The following NEK4 variants were observed in gnomAD, a reference collection of about 807,000 sequenced individuals.
NEK4 encodes the protein NIMA related kinase 4, also known as serine/threonine-protein kinase Nek4.
NEK4 carries 86 observed loss-of-function variants against 98.4 expected under a neutral mutation model. That is an observed-to-expected ratio of 0.87 (90% confidence interval 0.73 to 1.05). The LOEUF (loss-of-function observed/expected upper bound fraction) is 1.05, where lower values mean the gene tolerates loss of function less well. Among genes scored for constraint, NEK4 ranks in the 50% least tolerant of loss-of-function variants. NEK4 has a pLI of 0.00. For synonymous variants in NEK4, 328 were observed against 342.2 expected, an observed-to-expected ratio of 0.96 and a Z score of 0.46; for missense variants, 898 against 950.3, an observed-to-expected ratio of 0.94 and a Z score of 0.72.
In NEK4 at chr3:52,752,900, C is replaced by CAAAAAA. The variant is rs71087016; in HGVS notation, c.964-570_964-565dup. 5.1e-3 allele frequency among the ~76,000 whole-genome samples: 251 copies of CAAAAAA among 49,350 alleles called. 4 individuals carry two copies. Among genetic ancestry groups the CAAAAAA allele is most frequent in the South Asian group, 7.9e-3 (15 of 1,896 alleles). The allele number at this position is 49,350 out of a possible 152,430, so 32.4% of individuals were successfully genotyped here. ...GGGCAACAGGAGTGAAACCCTGCCTCAAAAAAAAAAAAAAAAAATATATAT... is the reference window on the plus strand; with the variant it reads ...GGGCAACAGGAGTGAAACCCTGCCTCAAAAAAAAAAAAAAAAAAAAAAAATATATAT... On this transcript the variant is annotated intron_variant, in intron 6 of 15. Transcript: ENST00000233027.
intron 15 of NEK4, chr3:52,737,380 T>A (rs1359383766): frequency 2.1e-6 from 1 of 483,856 alleles, no homozygotes; most frequent in Admixed American, 3.4e-5. Context: ...GGGGAGTGAC[T>A]GCTAACAGGT....
intron 15 of NEK4, among the ~76,000 whole-genome samples, chr3:52,715,261 G>A (rs1464012773): frequency 1.3e-5 from 2 of 152,200 alleles, no homozygotes; most frequent in South Asian, 2.1e-4. Flanking sequence ...ACAATGGGAC[G>A]GCCAGCTGCA....
chr3:52,726,242 C>T (rs2154102500), intron 15 of NEK4, among the ~76,000 whole-genome samples: 1 of 152,204 alleles, frequency 6.6e-6, no homozygotes, highest in East Asian at 1.9e-4. Flanking sequence ...CTAATAGTTG[C>T]AGACTTCAAT....
chr3:52,763,475 T>C lies in NEK4; in HGVS notation c.816A>G (p.Thr272=), dbSNP rs1230095370. Residue 272 remains threonine, a synonymous_variant, in exon 5 of 16, where the codon ACA becomes ACG. Transcript: ENST00000233027. The part of the protein sequence containing the change: ...KRQISFFLEA[T]KIKTSKNNIK... The stretch of plus-strand genomic sequence containing the variant: ...TTGCAAGGGAAGTATCTTACATCTT[T>C]GTGGCCTCCAAAAAGAAGGAGATTT... 1.9e-6 allele frequency: 3 copies of C among 1,612,970 alleles called. No homozygotes were observed. The highest frequency in any genetic ancestry group is 2.5e-6 in the Non-Finnish European group (3 of 1,179,642).
intron 7 of NEK4, among the ~76,000 whole-genome samples, chr3:52,750,180 C>T (rs1434344378): frequency 2.0e-5 from 3 of 152,202 alleles, no homozygotes; most frequent in African/African-American, 7.2e-5. Flanking sequence ...CACATATAAC[C>T]TTCCTCTTAG....
At chr3:52,759,691 C>CA (rs1023644790) in intron 6 of NEK4, among the ~76,000 whole-genome samples, 13 of 150,474 alleles carry the variant, frequency 8.6e-5, no homozygotes, top group African/African-American at 2.7e-4. Context: ...AAAGTCAAAC[C>CA]AAAAAAAAAG....
chr3:52,725,519 A>C (rs535906518), intron 15 of NEK4, among the ~76,000 whole-genome samples: 163 of 130,482 alleles, frequency 1.2e-3, no homozygotes, highest in African/African-American at 3.9e-3. Flanking sequence ...TGTCTCAAAA[A>C]ACAAAACAAA....
At chr3:52,768,136 T>C (rs1427448262) in intron 2 of NEK4, among the ~76,000 whole-genome samples, 1 of 152,218 alleles carries the variant, frequency 6.6e-6, no homozygotes, top group Admixed American at 6.5e-5. Flanking sequence ...AGACATGAAA[T>C]CTATGTCTAT....
At chr3:52,746,648 C>T in intron 9 of NEK4, 86 bp downstream of exon 9, 1 of 1,197,508 alleles carries the variant, frequency 8.4e-7, no homozygotes, top group South Asian at 1.5e-5. Flanking sequence ...GCATTTCTTA[C>T]ATGCCTTTTT....
chr3:52,710,305 CA>C lies in NEK4; in HGVS notation c.*1471del, dbSNP rs2097349137. ...GAGTGAACCTGGGAGGCGGAGCTTG[CA>C]GTGATCTGAGATTGGGCCACTGCAC... On this transcript the variant is annotated 3_prime_UTR_variant, in exon 16 of 16. Coordinates refer to ENST00000233027, the MANE Select transcript of NEK4 (RefSeq NM_003157.6). 6.6e-6 allele frequency: 1 copy of C among 151,176 alleles called. No homozygotes were observed. Among genetic ancestry groups the C allele is most frequent in the African/African-American group, 2.4e-5 (1 of 41,020 alleles). 9.4% of individuals were successfully genotyped at this position (151,176 alleles called of 1,614,324 possible). A position where few individuals can be genotyped will look rare whatever the true frequency, so the allele number is the denominator to read the frequency against.
intron 4 of NEK4, 151 bp from the exon 5 acceptor site, chr3:52,763,775 C>T (rs1302263725): frequency 7.3e-6 from 4 of 550,256 alleles, no homozygotes; most frequent in East Asian, 6.1e-5. Context: ...GTACTGGTAT[C>T]CCAGTTGTAA....
At chr3:52,748,022 C>T (rs566922343) in intron 8 of NEK4, among the ~76,000 whole-genome samples, 77 of 152,054 alleles carry the variant, frequency 5.1e-4, no homozygotes, top group South Asian at 8.3e-4. Flanking sequence ...TGCAATGGCG[C>T]GATCTCGGCT....
chr3:52,740,483 T>C (rs1382274934), intron 13 of NEK4, among the ~76,000 whole-genome samples: 1 of 152,062 alleles, frequency 6.6e-6, no homozygotes, highest in South Asian at 2.1e-4. Flanking sequence ...CAATAGAATC[T>C]ATGAAATGTG....
chr3:52,768,248 T>C (rs764722194), intron 2 of NEK4, 90 bp downstream of exon 2: 23 of 1,178,024 alleles, frequency 2.0e-5, no homozygotes, highest in Non-Finnish European at 1.9e-5. Flanking sequence ...TTTCTATATG[T>C]AAGTATCTGA....
Position 52,744,198 on chromosome 3 carries a change from C to G in NEK4, c.1894+41G>C, listed in dbSNP as rs530860157. 5.5e-6 allele frequency: 8 copies of G among 1,444,348 alleles called. No homozygotes were observed. In the African/African-American group the frequency reaches 9.8e-5, roughly 18 times the overall value. 89.5% of individuals were successfully genotyped at this position (1,444,348 alleles called of 1,614,324 possible). A position where few individuals can be genotyped will look rare whatever the true frequency, so the allele number is the denominator to read the frequency against. On this transcript the variant is annotated intron_variant, in intron 11 of 15. Coordinates refer to ENST00000233027, the MANE Select transcript of NEK4 (RefSeq NM_003157.6). ...CAGTGTTTCTGTCCACGAACCATAC[C>G]CCTAACTGCCAATTAGATGAAGAAA...
chr3:52,743,172 A>C, intron 12 of NEK4, 180 bp downstream of exon 12: 1 of 558,322 alleles, frequency 1.8e-6, no homozygotes, highest in Non-Finnish European at 3.2e-6. Context: ...TATTCCCTTA[A>C]TGGGTCAATC....
chr3:52,712,218 T>C (rs57931767), intron 15 of NEK4, among the ~76,000 whole-genome samples: 5,851 of 152,340 alleles, frequency 0.038, 379 homozygotes, highest in African/African-American at 0.13. Context: ...TTTATATATG[T>C]ATGTAAATGT....
intron 15 of NEK4, among the ~76,000 whole-genome samples, chr3:52,715,936 CT>C (rs139723695): frequency 0.038 from 5,847 of 152,334 alleles, 381 homozygotes; most frequent in African/African-American, 0.13. Context: ...GTGACTTCCT[CT>C]TTGGGGCACT....
Position 52,767,498 on chromosome 3 carries a change from G to A in NEK4, c.360+840C>T, listed in dbSNP as rs373598922. Among the ~76,000 whole-genome samples, 305 of 152,140 alleles carry A rather than the reference G, an allele frequency of 2.0e-3. 7 individuals are homozygous for A. The South Asian group carries it at 0.06, about 30-fold the overall frequency. ...AGGCCGAGGCAGGTGGATCACCTGA[G>A]GTCAAGAGTTCGAGACCAGCCTGGC... On this transcript the variant is annotated intron_variant, in intron 2 of 15. Coordinates refer to ENST00000233027, the MANE Select transcript of NEK4 (RefSeq NM_003157.6).
Sources: gnomAD v4.1 joint callset for allele counts (sites outside exome capture counted in the v4.1 genomes callset) on GRCh38, gnomAD v4.1.1 for gene constraint, MANE v1.5 for transcripts, NCBI Gene and HGNC (gene_info 2026-07-23, HGNC 2026-07-21) for gene names.